Variants in GSE1 observed in about 807,000 individuals in gnomAD.
GSE1 encodes Gse1 coiled-coil protein, also known as genetic suppressor element 1.
GSE1 carries 32 observed loss-of-function variants against 112.6 expected under a neutral mutation model. That is an observed-to-expected ratio of 0.28 (90% confidence interval 0.21 to 0.38). The LOEUF (loss-of-function observed/expected upper bound fraction) is 0.38, where lower values mean the gene tolerates loss of function less well. Ranked by LOEUF, GSE1 falls within the 10% of genes least tolerant of loss-of-function variation. The pLI, the probability that GSE1 is intolerant of heterozygous loss-of-function variation, is 1.00. For synonymous variants in GSE1, 1,115 were observed against 735.6 expected, an observed-to-expected ratio of 1.52 and a Z score of -8.35; for missense variants, 2,348 against 1,699.2, an observed-to-expected ratio of 1.38 and a Z score of -6.71.
At chr16:85,283,278 C>G (rs2044910611) in intron 1 of GSE1, 1 of 152,904 alleles carries the variant, frequency 6.5e-6, no homozygotes, top group African/African-American at 2.4e-5. Flanking sequence ...GCGTCCTAAC[C>G]AAATGCTGGA....
intron 2 of GSE1, among the ~76,000 whole-genome samples, chr16:85,442,441 G>GGATGAATGA (rs113751813): frequency 6.7e-6 from 1 of 150,356 alleles, no homozygotes; most frequent in East Asian, 2.0e-4. Context: ...TGAATGAATG[G>GGATGAATGA]ATGAATGAAT....
At chr16:85,523,571 C>T (rs1039994439) in intron 2 of GSE1, among the ~76,000 whole-genome samples, 63 of 152,252 alleles carry the variant, frequency 4.1e-4, no homozygotes, top group African/African-American at 1.4e-3. Context: ...CCCTGGGAGC[C>T]GCCTCCCACT....
At chr16:85,191,580 AT>A (rs1356481304) in intron 1 of GSE1, among the ~76,000 whole-genome samples, 1 of 152,128 alleles carries the variant, frequency 6.6e-6, no homozygotes, top group Admixed American at 6.6e-5. Flanking sequence ...CCCCCTCGGC[AT>A]GTTCAGTACG....
At chr16:85,541,388 G>A (rs13380494) in intron 2 of GSE1, among the ~76,000 whole-genome samples, 3,861 of 152,340 alleles carry the variant, frequency 0.025, 160 homozygotes, top group African/African-American at 0.087. Flanking sequence ...GTACCCGGAG[G>A]AAGCCACACA....
chr16:85,666,973 G>A (rs1054852047), intron 13 of GSE1, among the ~76,000 whole-genome samples: 4 of 152,242 alleles, frequency 2.6e-5, no homozygotes, highest in Non-Finnish European at 5.9e-5. Flanking sequence ...TCAAGTGTAG[G>A]CATTGTGTTA....
Position 85,633,925 on chromosome 16 carries a change from G to C in GSE1, c.19G>C (p.Glu7Gln). ...TTTTCCTGTTTCAGGCATGAGCCAT[G>C]AGCCCAAGTCCCCTTCGCTAGGGAT... is the stretch of plus-strand genomic sequence containing the variant. MKGMSHEPKSPSLGMLS... is the reference protein window; with the variant it reads MKGMSHQPKSPSLGMLS... The change falls in exon 2 of 16, where the codon GAG (glutamate) becomes CAG (glutamine). Residue 7 changes from glutamate to glutamine, a missense_variant. Transcript: ENST00000253458. The C allele has an allele frequency of 6.2e-7, 1 of 1,610,594 alleles. No individual in the cohort carries two copies.
intron 1 of GSE1, among the ~76,000 whole-genome samples, chr16:85,619,318 C>T (rs920326347): frequency 2.6e-5 from 4 of 152,082 alleles, no homozygotes; most frequent in Non-Finnish European, 4.4e-5. Flanking sequence ...GGGTATCGAC[C>T]GCCCAGCTTT....
rs1306154997 is a variant in GSE1 at position 85,657,452 on chromosome 16, G to C, written c.1488G>C (p.Lys496Asn). The C allele has an allele frequency of 6.2e-7, 1 of 1,610,824 alleles. No homozygotes were observed. Among genetic ancestry groups the C allele is most frequent in the Admixed American group, 1.7e-5 (1 of 59,924 alleles). Residue 496 changes from lysine (K) to asparagine (N), a missense_variant, in exon 8 of 16, where the codon AAG becomes AAC. By Grantham distance (94) the Lys-to-Asn change is moderately conservative. Coordinates refer to ENST00000253458, the MANE Select transcript of GSE1 (RefSeq NM_014615.5). ...TCCAGCGCACCAATGAGGAGGAGAA[G>C]TGGCTGGCGCGGCAGCGGCGGCTGC... Reference protein sequence around the residue: ...LLIQRTNEEEKWLARQRRLRQ... With the variant: ...LLIQRTNEEENWLARQRRLRQ...
intron 2 of GSE1, among the ~76,000 whole-genome samples, chr16:85,469,211 G>A (rs1040970130): frequency 2.6e-5 from 4 of 152,032 alleles, no homozygotes; most frequent in South Asian, 2.1e-4. Context: ...AGCCGAGATC[G>A]TGCCATTGCA....
At chr16:85,253,895 G>C (rs1906786425) in intron 1 of GSE1, among the ~76,000 whole-genome samples, 1 of 152,146 alleles carries the variant, frequency 6.6e-6, no homozygotes, top group African/African-American at 2.4e-5. Context: ...AGAGGGAACT[G>C]TGTGTGCAAA....
intron 1 of GSE1, among the ~76,000 whole-genome samples, chr16:85,619,986 C>G (rs770990080): frequency 6.6e-6 from 1 of 152,190 alleles, no homozygotes; most frequent in South Asian, 2.1e-4. Flanking sequence ...CCGGCTGCTT[C>G]GGAAGGCCCT....
At chr16:85,346,659 T>C (rs1167122239) in intron 1 of GSE1, among the ~76,000 whole-genome samples, 1 of 150,332 alleles carries the variant, frequency 6.7e-6, no homozygotes, top group African/African-American at 2.5e-5. Context: ...AAGTGGTGGA[T>C]GGATGATGGA....
chr16:85,226,496 A>G (rs1314381659), intron 1 of GSE1, among the ~76,000 whole-genome samples: 3 of 152,134 alleles, frequency 2.0e-5, no homozygotes, highest in Non-Finnish European at 2.9e-5. Context: ...GCAGCATGTG[A>G]CTCTGCAGCC....
intron 2 of GSE1, among the ~76,000 whole-genome samples, chr16:85,549,671 C>A (rs1005556942): frequency 6.6e-6 from 1 of 152,154 alleles, no homozygotes; most frequent in Non-Finnish European, 1.5e-5. Flanking sequence ...GAGGTGTGAC[C>A]GCACAGAGGT....
chr16:85,278,305 G>T (rs768370976), intron 1 of GSE1, among the ~76,000 whole-genome samples: 2 of 152,238 alleles, frequency 1.3e-5, no homozygotes, highest in Non-Finnish European at 2.9e-5. Context: ...ACTGGCGGGA[G>T]CCCTGGAGGT....
At chr16:85,632,780 C>T (rs946641950) in intron 1 of GSE1, among the ~76,000 whole-genome samples, 2 of 152,116 alleles carry the variant, frequency 1.3e-5, no homozygotes, top group African/African-American at 4.8e-5. Flanking sequence ...CCAGCGCCCC[C>T]CCGCCCCAAG....
chr16:85,375,806 T>C (rs1295634991), intron 2 of GSE1, among the ~76,000 whole-genome samples: 1 of 152,176 alleles, frequency 6.6e-6, no homozygotes, highest in Non-Finnish European at 1.5e-5. Flanking sequence ...CCCCTGTGAC[T>C]CTCTCCCCTT....
At chr16:85,468,819 C>T (rs576773401) in intron 2 of GSE1, among the ~76,000 whole-genome samples, 2 of 152,168 alleles carry the variant, frequency 1.3e-5, no homozygotes, top group South Asian at 4.1e-4. Flanking sequence ...GTGCTGATGG[C>T]ATTGACCATC....
chr16:85,276,819 C>G (rs1567656914), intron 1 of GSE1, among the ~76,000 whole-genome samples: 1 of 152,204 alleles, frequency 6.6e-6, no homozygotes, highest in East Asian at 1.9e-4. Context: ...CCCAGGCCCC[C>G]TGACTCAGGA....
Sources: gnomAD v4.1 joint callset for allele counts (sites outside exome capture counted in the v4.1 genomes callset) on GRCh38, gnomAD v4.1.1 for gene constraint, MANE v1.5 for transcripts, NCBI Gene and HGNC (gene_info 2026-07-23, HGNC 2026-07-21) for gene names.